NCOA2: variants seen among roughly 807,000 people sequenced by gnomAD.
NCOA2 encodes the protein nuclear receptor coactivator 2, also known as class E basic helix-loop-helix protein 75.
NCOA2 carries 21 observed loss-of-function variants against 145.1 expected under a neutral mutation model. The ratio of observed to expected loss-of-function variants is 0.14; its 90% CI spans 0.10 to 0.21. NCOA2 has a LOEUF of 0.21. Among genes scored for constraint, NCOA2 ranks in the 10% least tolerant of loss-of-function variants. NCOA2 has a pLI of 1.00. For missense variants in NCOA2, 1,472 were observed against 1,837.6 expected (o/e 0.80, Z 3.64); for synonymous variants, 619 against 637.5 (o/e 0.97, Z 0.44).
intron 2 of NCOA2, among the ~76,000 whole-genome samples, chr8:70,233,151 A>G (rs548616628): frequency 2.1e-3 from 324 of 151,960 alleles, no homozygotes; most frequent in African/African-American, 7.5e-3. Flanking sequence ...GCTTGAACCC[A>G]GGAGGCGGAG....
intron 15 of NCOA2, among the ~76,000 whole-genome samples, chr8:70,134,410 C>G (rs1281889030): frequency 6.6e-6 from 1 of 152,186 alleles, no homozygotes; most frequent in African/African-American, 2.4e-5. Context: ...CTACCTCATT[C>G]CCTAAAAATG....
chr8:70,298,784 G>A (rs761630235), intron 1 of NCOA2, among the ~76,000 whole-genome samples: 5 of 152,148 alleles, frequency 3.3e-5, no homozygotes, highest in East Asian at 1.9e-4. Flanking sequence ...GATGTTAGCC[G>A]GGCGCGGTGG....
chr8:70,353,966 T>A (rs1003979803), intron 1 of NCOA2, among the ~76,000 whole-genome samples: 2 of 152,140 alleles, frequency 1.3e-5, no homozygotes, highest in Admixed American at 6.6e-5. Context: ...TCTCCCTAAT[T>A]GCATGCAATG....
At chr8:70,351,322 T>C (rs1226157891) in intron 1 of NCOA2, among the ~76,000 whole-genome samples, 1 of 152,186 alleles carries the variant, frequency 6.6e-6, no homozygotes, top group Non-Finnish European at 1.5e-5. Flanking sequence ...ACCTATTAAT[T>C]CTCTGAAAAC....
intron 10 of NCOA2, among the ~76,000 whole-genome samples, chr8:70,158,325 T>C (rs1335856292): frequency 6.6e-6 from 1 of 152,344 alleles, no homozygotes; most frequent in South Asian, 2.1e-4. Context: ...AATATTTAGA[T>C]AACTAATGAA....
chr8:70,267,102 G>A (rs1452591543), intron 2 of NCOA2, among the ~76,000 whole-genome samples: 2 of 152,016 alleles, frequency 1.3e-5, no homozygotes, highest in African/African-American at 4.8e-5. Context: ...AAGAACAATG[G>A]ACTTGGAGTC....
intron 1 of NCOA2, among the ~76,000 whole-genome samples, chr8:70,371,068 A>C (rs1811169716): frequency 6.6e-6 from 1 of 152,162 alleles, no homozygotes; most frequent in East Asian, 1.9e-4. Flanking sequence ...CGGGCGGATC[A>C]CGAGGTCAGG....
the NCOA2 span, among the ~76,000 whole-genome samples, chr8:70,446,680 C>T: frequency 6.6e-6 from 1 of 152,064 alleles, no homozygotes; most frequent in South Asian, 2.1e-4. Flanking sequence ...AGCTATTTTT[C>T]AATTTCGCTC....
In NCOA2 at chr8:70,376,785, T is replaced by C. The variant is rs143043980; in HGVS notation, c.-77+26915A>G. Among the ~76,000 whole-genome samples the C allele has an allele frequency of 5.3e-5, 8 of 152,292 alleles. No individual in the cohort carries two copies. In the East Asian group the frequency reaches 1.5e-3, roughly 29 times the overall value. ...TAGATACAGACCAACACAACACTTA[T>C]TTATTACTATTTCCTGTCAAAATCT... is the stretch of plus-strand genomic sequence containing the variant. On this transcript the variant is annotated intron_variant, in intron 1 of 22. Coordinates refer to ENST00000452400, the MANE Select transcript of NCOA2 (RefSeq NM_006540.4).
At chr8:70,302,752 T>C (rs1827604611) in intron 1 of NCOA2, among the ~76,000 whole-genome samples, 1 of 152,202 alleles carries the variant, frequency 6.6e-6, no homozygotes, top group South Asian at 2.1e-4. Context: ...AAAGTACAAT[T>C]AGTCATAAGT....
intron 20 of NCOA2, 115 bp downstream of exon 20, chr8:70,124,573 T>C: frequency 6.4e-6 from 7 of 1,094,608 alleles, no homozygotes; most frequent in Non-Finnish European, 8.8e-6. Flanking sequence ...AGCCATCCTT[T>C]ATCACTACGT....
At chr8:70,289,396 T>C (rs1563727225) in intron 2 of NCOA2, among the ~76,000 whole-genome samples, 1 of 152,336 alleles carries the variant, frequency 6.6e-6, no homozygotes, top group East Asian at 1.9e-4. Context: ...AAAGTCTCAG[T>C]ACTCATATCC....
intron 4 of NCOA2, among the ~76,000 whole-genome samples, chr8:70,176,579 C>T (rs1351338085): frequency 7.2e-5 from 11 of 152,180 alleles, no homozygotes; most frequent in Non-Finnish European, 1.6e-4. Flanking sequence ...CGCCCCCACC[C>T]CCTTTTACTG....
the NCOA2 span, among the ~76,000 whole-genome samples, chr8:70,433,441 G>A: frequency 6.6e-6 from 1 of 152,092 alleles, no homozygotes; most frequent in Non-Finnish European, 1.5e-5. Flanking sequence ...GGTAGCTTTG[G>A]TGGATTCCCA....
At chr8:70,145,353 T>C (rs1362494194) in intron 12 of NCOA2, among the ~76,000 whole-genome samples, 1 of 151,730 alleles carries the variant, frequency 6.6e-6, no homozygotes, top group African/African-American at 2.4e-5. Context: ...TGAGACGGAG[T>C]CTCGCTCTGT....
At chr8:70,236,558 TCCTC>T (rs2134340352) in intron 2 of NCOA2, among the ~76,000 whole-genome samples, 1 of 152,228 alleles carries the variant, frequency 6.6e-6, no homozygotes, top group African/African-American at 2.4e-5. Flanking sequence ...CATTGACTCT[TCCTC>T]CCAAGATTAA....
intron 2 of NCOA2, among the ~76,000 whole-genome samples, chr8:70,280,114 C>T (rs928664430): frequency 2.0e-5 from 3 of 152,192 alleles, no homozygotes; most frequent in African/African-American, 7.2e-5. Context: ...ATCTGCCATT[C>T]TGCATCACCA....
At chr8:70,385,248 T>G (rs1290522551) in intron 1 of NCOA2, among the ~76,000 whole-genome samples, 2 of 152,190 alleles carry the variant, frequency 1.3e-5, no homozygotes, top group African/African-American at 4.8e-5. Flanking sequence ...ACCAACTGTA[T>G]GTCAAATACC....
At chr8:70,207,862 C>CAAAAAAA (rs754670876) in intron 4 of NCOA2, among the ~76,000 whole-genome samples, 18 of 36,112 alleles carry the variant, frequency 5.0e-4, no homozygotes, top group Admixed American at 6.9e-4. Flanking sequence ...GACTCCACCT[C>CAAAAAAA]AAAAAAAAAA....
Sources: gnomAD v4.1 joint callset for allele counts (sites outside exome capture counted in the v4.1 genomes callset) on GRCh38, gnomAD v4.1.1 for gene constraint, MANE v1.5 for transcripts, NCBI Gene and HGNC (gene_info 2026-07-23, HGNC 2026-07-21) for gene names.